Variants in EYS observed in about 807,000 individuals in gnomAD.
EYS encodes protein eyes shut homolog.
Under a neutral mutation model 282.1 loss-of-function variants are expected in EYS, and 250 were observed. The ratio of observed to expected loss-of-function variants is 0.89; its 90% CI spans 0.80 to 0.98. The LOEUF (loss-of-function observed/expected upper bound fraction) is 0.98, where lower values mean the gene tolerates loss of function less well. EYS is among the 50% of genes least tolerant of loss of function. The pLI is 0.00. For synonymous variants in EYS, 1,355 were observed against 1,282.9 expected (o/e 1.06, Z -1.20); for missense variants, 4,016 against 3,709.0 (o/e 1.08, Z -2.15).
In EYS at chr6:64,969,627, T is replaced by A. The variant is rs796978195; in HGVS notation, c.2260-23713A>T. ...CACTAGGACTGTAGAAGAAGCCACT[T>A]CTTTTGCTTGAAGATGGTGCAGACA... is the stretch of plus-strand genomic sequence containing the variant. On this transcript the variant is annotated intron_variant, in intron 14 of 42. Coordinates refer to ENST00000503581, the MANE Select transcript of EYS (RefSeq NM_001142800.2). 1.4e-4 allele frequency among the ~76,000 whole-genome samples: 22 copies of A among 152,190 alleles called. 1 individual carries two copies. The highest frequency in any genetic ancestry group is 4.6e-4 in the Admixed American group (7 of 15,272).
chr6:65,506,029 T>A (rs1181580343), intron 2 of EYS, among the ~76,000 whole-genome samples: 1 of 152,152 alleles, frequency 6.6e-6, no homozygotes, highest in Non-Finnish European at 1.5e-5. Flanking sequence ...GTCTGTTTTA[T>A]CACTTGTCTA....
At chr6:65,086,912 T>C (rs1055884032) in intron 12 of EYS, among the ~76,000 whole-genome samples, 1 of 151,786 alleles carries the variant, frequency 6.6e-6, no homozygotes, top group Non-Finnish European at 1.5e-5. Context: ...CACCTCCACC[T>C]CCCAGGTTCA....
chr6:65,115,556 A>C (rs9445468), intron 12 of EYS, among the ~76,000 whole-genome samples: 1 of 151,926 alleles, frequency 6.6e-6, no homozygotes, highest in African/African-American at 2.4e-5. Flanking sequence ...AAAAATTTAT[A>C]TATTACATCT....
intron 2 of EYS, among the ~76,000 whole-genome samples, chr6:65,499,009 A>T (rs1446210573): frequency 1.3e-5 from 2 of 151,992 alleles, no homozygotes; most frequent in African/African-American, 4.8e-5. Flanking sequence ...CGATGGAGCC[A>T]TTGACAGCAT....
At chr6:63,721,896 G>C in intron 42 of EYS, 99 bp from the exon 43 acceptor site, 4 of 1,110,402 alleles carry the variant, frequency 3.6e-6, no homozygotes, top group Non-Finnish European at 5.0e-6. Context: ...TTAGTTATGG[G>C]GAAAAAAGTA....
chr6:64,999,594 G>T (rs1771394044), intron 13 of EYS, among the ~76,000 whole-genome samples: 1 of 152,108 alleles, frequency 6.6e-6, no homozygotes, highest in African/African-American at 2.4e-5. Flanking sequence ...GTCCCACCCT[G>T]CCCACATCGT....
At chr6:65,059,154 T>C (rs1773499369) in intron 12 of EYS, among the ~76,000 whole-genome samples, 1 of 152,038 alleles carries the variant, frequency 6.6e-6, no homozygotes, top group Non-Finnish European at 1.5e-5. Context: ...ACCTTAAATA[T>C]ATTAGTTTTT....
At chr6:64,152,401 A>T (rs1237120370) in intron 31 of EYS, among the ~76,000 whole-genome samples, 1 of 152,212 alleles carries the variant, frequency 6.6e-6, no homozygotes, top group Non-Finnish European at 1.5e-5. Context: ...AATATTAGAG[A>T]TTATTTTAAA....
At chr6:65,322,169 C>T (rs1358467584) in intron 11 of EYS, among the ~76,000 whole-genome samples, 1 of 152,146 alleles carries the variant, frequency 6.6e-6, no homozygotes, top group Admixed American at 6.5e-5. Flanking sequence ...TCACCTTTTT[C>T]TTCATTTTAT....
intron 5 of EYS, among the ~76,000 whole-genome samples, chr6:65,420,688 T>C (rs571759019): frequency 3.1e-4 from 47 of 152,048 alleles, no homozygotes; most frequent in African/African-American, 1.1e-3. Context: ...ATGGAAGCTA[T>C]AGCCTTACAA....
At chr6:64,135,182 G>A (rs527927218) in intron 31 of EYS, among the ~76,000 whole-genome samples, 2 of 151,766 alleles carry the variant, frequency 1.3e-5, no homozygotes, top group Admixed American at 6.6e-5. Flanking sequence ...ACAGAAAGAT[G>A]CAGAGAGGGA....
Position 64,864,385 on chromosome 6 carries a change from C to CTTTTTTTTTTTTTTTTTTTTTT in EYS, c.2992+22311_2992+22312insAAAAAAAAAAAAAAAAAAAAAA, listed in dbSNP as rs769240399. Among the ~76,000 whole-genome samples the CTTTTTTTTTTTTTTTTTTTTTT allele has an allele frequency of 7.0e-3, 403 of 57,176 alleles. 114 individuals carry two copies. Among genetic ancestry groups the CTTTTTTTTTTTTTTTTTTTTTT allele is most frequent in the Non-Finnish European group, 0.011 (304 of 27,912 alleles). The allele number at this position is 57,176 out of a possible 152,430, so 37.5% of individuals were successfully genotyped here. A position where few individuals can be genotyped will look rare whatever the true frequency, so the allele number is the denominator to read the frequency against. ...GAGAAATACAGAGGTGCTATACCTT[C>CTTTTTTTTTTTTTTTTTTTTTT]TTTTTTTTTTTTTTTTTTTTTGACA... On this transcript the variant is annotated intron_variant, in intron 19 of 42. Coordinates refer to ENST00000503581, the MANE Select transcript of EYS (RefSeq NM_001142800.2).
At chr6:63,884,609 C>T (rs2780939) in intron 35 of EYS, among the ~76,000 whole-genome samples, 73,663 of 151,968 alleles carry the variant, frequency 0.48, 19,730 homozygotes, top group Non-Finnish European at 0.59. Flanking sequence ...AGCAAAAATA[C>T]GCACCAATTT....
At chr6:63,976,608 T>C (rs963129446) in intron 35 of EYS, among the ~76,000 whole-genome samples, 3 of 152,062 alleles carry the variant, frequency 2.0e-5, no homozygotes, top group African/African-American at 7.2e-5. Flanking sequence ...ATCCTTTCAG[T>C]GTCTATAAAA....
chr6:64,845,990 CTTCTT>C (rs1301695647), intron 19 of EYS, among the ~76,000 whole-genome samples: 1 of 152,026 alleles, frequency 6.6e-6, no homozygotes, highest in Non-Finnish European at 1.5e-5. Flanking sequence ...CTAAGAAACT[CTTCTT>C]TTGTTTTCTT....
chr6:64,879,161 C>T (rs13217880), intron 19 of EYS, among the ~76,000 whole-genome samples: 9,641 of 152,158 alleles, frequency 0.063, 411 homozygotes, highest in African/African-American at 0.12. Context: ...AATCTATTTT[C>T]TCACTGTGTA....
intron 10 of EYS, among the ~76,000 whole-genome samples, chr6:65,341,852 A>T (rs1770210747): frequency 6.6e-6 from 1 of 151,286 alleles, no homozygotes; most frequent in Admixed American, 6.6e-5. Flanking sequence ...TTTGCTTAGA[A>T]AAAATAGAAA....
At chr6:64,514,989 T>A (rs1403462259) in intron 26 of EYS, among the ~76,000 whole-genome samples, 1 of 151,812 alleles carries the variant, frequency 6.6e-6, no homozygotes, top group Non-Finnish European at 1.5e-5. Context: ...TTATGCAATT[T>A]TTCTCTATTG....
At chr6:65,652,135 C>T (rs918324545) in intron 1 of EYS, among the ~76,000 whole-genome samples, 4 of 151,742 alleles carry the variant, frequency 2.6e-5, no homozygotes, top group African/African-American at 9.7e-5. Context: ...GCTGGAATGG[C>T]TTGAGGAAGG....
Sources: gnomAD v4.1 joint callset for allele counts (sites outside exome capture counted in the v4.1 genomes callset) on GRCh38, gnomAD v4.1.1 for gene constraint, MANE v1.5 for transcripts, NCBI Gene and HGNC (gene_info 2026-07-23, HGNC 2026-07-21) for gene names.